Variants in PCDHA9 observed in about 807,000 individuals in gnomAD.
PCDHA9 encodes the protein protocadherin alpha 9.
PCDHA9 carries 62 observed loss-of-function variants against 62.0 expected under a neutral mutation model. The observed-to-expected ratio is 1.00, with a 90% CI of 0.81 to 1.23. The LOEUF is 1.23. Among genes scored for constraint, PCDHA9 ranks in the 50% most tolerant of loss-of-function variants. The pLI is 0.00. For synonymous variants in PCDHA9, 557 were observed against 567.6 expected, an observed-to-expected ratio of 0.98 and a Z score of 0.27; for missense variants, 1,205 against 1,249.8, an observed-to-expected ratio of 0.96 and a Z score of 0.54.
At chr5:140,967,669 G>T (rs782398219) in intron 1 of PCDHA9, 1 of 1,614,126 alleles carries the variant, frequency 6.2e-7, no homozygotes, top group Non-Finnish European at 8.5e-7. Context: ...GCTACACGTC[G>T]GACCGGGAGA....
chr5:140,984,386 A>G (rs2097099955), intron 3 of PCDHA9, among the ~76,000 whole-genome samples: 1 of 152,202 alleles, frequency 6.6e-6, no homozygotes, highest in South Asian at 2.1e-4. Flanking sequence ...TTCAGATTCA[A>G]AAAATGTTGA....
chr5:140,916,579 T>C (rs1013124807), intron 1 of PCDHA9, among the ~76,000 whole-genome samples: 14 of 152,176 alleles, frequency 9.2e-5, no homozygotes, highest in Non-Finnish European at 1.6e-4. Context: ...AGAAATGTCA[T>C]CCATGAGCTA....
At chr5:140,894,841 T>C in intron 1 of PCDHA9, among the ~76,000 whole-genome samples, 1 of 152,184 alleles carries the variant, frequency 6.6e-6, no homozygotes, top group East Asian at 1.9e-4. Context: ...TTTCTTATGC[T>C]CATTTTTATA....
intron 1 of PCDHA9, chr5:140,926,643 G>A (rs1292255848): frequency 4.9e-5 from 22 of 452,632 alleles, no homozygotes; most frequent in African/African-American, 3.9e-4. Flanking sequence ...CTCAACACCC[G>A]GCCGGCTCCG....
At position 140,972,838 on chromosome 5, in the gene PCDHA9, A is replaced by G. The variant is rs181315236; in HGVS notation, c.2395-6111A>G. Among the ~76,000 whole-genome samples the G allele has an allele frequency of 2.0e-4, 30 of 151,814 alleles. No individual in the cohort carries two copies. In the East Asian group the frequency reaches 5.8e-3, roughly 30 times the overall value. The stretch of plus-strand genomic sequence containing the variant: ...GCCACCACGCCTGGCTAATTTTTGT[A>G]TTTTTAGTAGAGATGGGGTTTCATC... On this transcript the variant is annotated intron_variant, in intron 1 of 3. Transcript: ENST00000532602.
At chr5:140,934,312 A>G (rs2089755727) in intron 1 of PCDHA9, among the ~76,000 whole-genome samples, 1 of 152,108 alleles carries the variant, frequency 6.6e-6, no homozygotes, top group South Asian at 2.1e-4. Context: ...CTTACTGCAA[A>G]TGTCCAATCA....
Position 140,850,364 on chromosome 5 carries a change from C to T in PCDHA9, c.1869C>T (p.Arg623=). The T allele has an allele frequency of 6.3e-7, 1 of 1,597,830 alleles. No homozygotes were observed. Among genetic ancestry groups the T allele is most frequent in the Non-Finnish European group, 8.6e-7 (1 of 1,167,678 alleles). ...PETASASIPF[R]VGLYTGEIST... ...CGGCCAGCGCGAGCATCCCGTTCCG[C>T]GTGGGGCTGTACACGGGCGAGATCA... The change falls in exon 1 of 4, where the codon CGC becomes CGT. Residue 623 remains arginine (R), a synonymous_variant. Transcript: ENST00000532602.
At chr5:140,967,731 G>T in intron 1 of PCDHA9, 1 of 1,614,164 alleles carries the variant, frequency 6.2e-7, no homozygotes, top group African/African-American at 1.3e-5. Context: ...GTAATTGGGG[G>T]GCTGGATTAT....
intron 1 of PCDHA9, chr5:140,927,041 T>C: frequency 6.2e-7 from 1 of 1,612,456 alleles, no homozygotes; most frequent in South Asian, 1.1e-5. Flanking sequence ...GCGGCCGCTA[T>C]GTCCTCGCGG....
chr5:140,969,007 A>T, intron 1 of PCDHA9: 2 of 1,614,148 alleles, frequency 1.2e-6, no homozygotes, highest in Non-Finnish European at 1.7e-6. Context: ...GCTTCTGTGG[A>T]GTAAGGGAAA....
chr5:140,870,945 G>T, intron 1 of PCDHA9: 2 of 1,613,724 alleles, frequency 1.2e-6, no homozygotes, highest in Non-Finnish European at 1.7e-6. Flanking sequence ...AGCCGGCGGC[G>T]GGCGGCTCGC....
chr5:140,871,386 G>A lies in PCDHA9; in HGVS notation c.2394+20497G>A, dbSNP rs782650816. The A allele has an allele frequency of 3.1e-6, 5 of 1,614,058 alleles. No individual in the cohort carries two copies. In the South Asian group the frequency reaches 4.4e-5, roughly 14 times the overall value. ...GGCGGCAGAGGGTGTGCTCTGAGGA[G>A]GGCCCACCTAAGACGGACCTCATGG... On this transcript the variant is annotated intron_variant, in intron 1 of 3. Coordinates refer to ENST00000532602, the MANE Select transcript of PCDHA9 (RefSeq NM_031857.2).
At chr5:140,968,324 T>C (rs781875050) in intron 1 of PCDHA9, 15 of 1,613,972 alleles carry the variant, frequency 9.3e-6, no homozygotes. Context: ...GCCAGTCACC[T>C]CCTATGTCTC....
intron 1 of PCDHA9, among the ~76,000 whole-genome samples, chr5:140,961,590 A>C (rs1554225489): frequency 2.0e-5 from 3 of 152,100 alleles, no homozygotes; most frequent in Non-Finnish European, 4.4e-5. Flanking sequence ...TATTTTGGCA[A>C]TGATTCTAGT....
chr5:140,918,621 T>C (rs1162983414), intron 1 of PCDHA9, among the ~76,000 whole-genome samples: 1 of 152,228 alleles, frequency 6.6e-6, no homozygotes, highest in Non-Finnish European at 1.5e-5. Flanking sequence ...AATGTTTGTG[T>C]TCCCCAAATT....
intron 1 of PCDHA9, chr5:140,875,799 C>T (rs781911910): frequency 5.6e-6 from 9 of 1,614,014 alleles, no homozygotes. Flanking sequence ...TGGAGGTGAT[C>T]GTGGACAGGC....
At position 140,850,183 on chromosome 5, in the gene PCDHA9, C is replaced by A. The variant is rs2150471701; in HGVS notation, c.1688C>A (p.Pro563Gln). The A allele has an allele frequency of 1.8e-5, 29 of 1,593,776 alleles. 2 individuals carry two copies. In the South Asian group the frequency reaches 3.1e-4, roughly 17 times the overall value. Residue 563 changes from proline (P) to glutamine (Q), a missense_variant, in exon 1 of 4, where the codon CCG (proline) becomes CAG (glutamine). Physicochemically the swap from Pro to Gln is moderately conservative, Grantham distance 76 (BLOSUM62 -1). This residue lies in a region of PCDHA9 where 887 missense variants were observed against 809.5 expected (regional missense o/e 1.10). Coordinates refer to ENST00000532602, the MANE Select transcript of PCDHA9 (RefSeq NM_031857.2). The stretch of plus-strand genomic sequence containing the variant: ...GTGCTGGACGAGAACGACAATGCGC[C>A]GGCGCTGCTGACACCTCGGATGAGG... ...VFVLDENDNA[P>Q]ALLTPRMRGT...
At chr5:140,965,436 G>A (rs1389592396) in intron 1 of PCDHA9, among the ~76,000 whole-genome samples, 1 of 152,038 alleles carries the variant, frequency 6.6e-6, no homozygotes, top group Non-Finnish European at 1.5e-5. Flanking sequence ...TGCAGTCATT[G>A]AAATTGCTGG....
At chr5:140,993,830 A>G (rs536970854) in intron 3 of PCDHA9, among the ~76,000 whole-genome samples, 44 of 152,326 alleles carry the variant, frequency 2.9e-4, no homozygotes, top group Non-Finnish European at 5.0e-4. Context: ...GCTATACCAT[A>G]TAGCCTAGGT....
Sources: allele counts gnomAD v4.1 joint callset (sites outside exome capture counted in the v4.1 genomes callset), GRCh38; gene constraint gnomAD v4.1.1; regional missense constraint gnomAD v4.1.1; transcripts MANE v1.5; gene names NCBI Gene and HGNC (gene_info 2026-07-23, HGNC 2026-07-21).